The following DSCAML1 variants were observed in gnomAD, a reference collection of about 807,000 sequenced individuals.
DSCAML1 encodes the protein DS cell adhesion molecule like 1.
In DSCAML1, 38 loss-of-function variants were observed where a neutral mutation model predicts 200.5. The observed-to-expected ratio is 0.19, with a 90% CI of 0.15 to 0.25. The LOEUF (loss-of-function observed/expected upper bound fraction) is 0.25, where lower values mean the gene tolerates loss of function less well. Ranked by LOEUF, DSCAML1 falls within the 10% of genes least tolerant of loss-of-function variation. The probability of loss-of-function intolerance (pLI) is 1.00; values close to 1 mark genes in which losing one functional copy is unlikely to be tolerated. For synonymous variants in DSCAML1, 1,215 were observed against 1,165.0 expected, an observed-to-expected ratio of 1.04 and a Z score of -0.87; for missense variants, 2,223 against 2,858.8, an observed-to-expected ratio of 0.78 and a Z score of 5.07.
chr11:117,607,538 C>G (rs955510953), intron 3 of DSCAML1, among the ~76,000 whole-genome samples: 1 of 152,224 alleles, frequency 6.6e-6, no homozygotes, highest in African/African-American at 2.4e-5. Context: ...GGTGAAGGGA[C>G]TAGCTACAGA....
chr11:117,584,126 A>T (rs1394903817), intron 3 of DSCAML1, among the ~76,000 whole-genome samples: 4 of 151,744 alleles, frequency 2.6e-5, no homozygotes, highest in Non-Finnish European at 5.9e-5. Context: ...ATAGAAACAC[A>T]TTTAAATTCT....
At chr11:117,530,164 C>G (rs1044919361) in intron 4 of DSCAML1, among the ~76,000 whole-genome samples, 4 of 152,070 alleles carry the variant, frequency 2.6e-5, no homozygotes, top group Non-Finnish European at 4.4e-5. Context: ...CCCCCTCGCC[C>G]CTTCTCCCGG....
chr11:117,439,302 C>T lies in DSCAML1; in HGVS notation c.4108G>A (p.Gly1370Ser), dbSNP rs753116463. 3 of 1,614,144 alleles carry T rather than the reference C, an allele frequency of 1.9e-6. No individual in the cohort carries two copies. The highest frequency in any genetic ancestry group is 2.5e-6 in the Non-Finnish European group (3 of 1,180,012). The change falls in exon 23 of 33, where the codon GGC becomes AGC. Residue 1370 changes from glycine (G) to serine (S), a missense_variant. Around this residue, in one of 7 missense-constraint regions of DSCAML1, gnomAD observed 614 missense variants for 739.1 expected, o/e 0.83. Coordinates refer to ENST00000651296, the MANE Select transcript of DSCAML1 (RefSeq NM_020693.4). ...AGGTTGACGATGATGGTGTCAAAGC[C>T]ACCAGTGTTGGTGGCCGTGCACGTG... is the stretch of plus-strand genomic sequence containing the variant. Reference protein sequence around the residue: ...YYTCTATNTGGFDTIIVNLLV... With the variant: ...YYTCTATNTGSFDTIIVNLLV...
At chr11:117,616,888 T>C (rs1014610100) in intron 3 of DSCAML1, among the ~76,000 whole-genome samples, 3 of 152,200 alleles carry the variant, frequency 2.0e-5, no homozygotes, top group African/African-American at 7.2e-5. Flanking sequence ...ATACTGTCAA[T>C]GACTTATGTT....
chr11:117,737,557 C>T (rs572472471), intron 3 of DSCAML1, among the ~76,000 whole-genome samples: 2 of 152,304 alleles, frequency 1.3e-5, no homozygotes, highest in South Asian at 4.1e-4. Flanking sequence ...CAACATGCTG[C>T]CCCAGGTGGC....
At chr11:117,794,907 C>G (rs965701376) in intron 1 of DSCAML1, among the ~76,000 whole-genome samples, 1 of 152,178 alleles carries the variant, frequency 6.6e-6, no homozygotes, top group African/African-American at 2.4e-5. Flanking sequence ...GCAGGGGCAC[C>G]GGGCTCTGCA....
At chr11:117,439,748 C>T (rs2048005201) in intron 22 of DSCAML1, 71 bp downstream of exon 22, 2 of 1,452,020 alleles carry the variant, frequency 1.4e-6, no homozygotes, top group Non-Finnish European at 1.9e-6. Flanking sequence ...GCCCCAGACT[C>T]TTCTCCACAC....
intron 3 of DSCAML1, among the ~76,000 whole-genome samples, chr11:117,577,706 A>AGCTCC (rs1242940828): frequency 6.6e-6 from 1 of 151,382 alleles, no homozygotes; most frequent in Non-Finnish European, 1.5e-5. Context: ...AGCTGGGATT[A>AGCTCC]CAGGCGTGAG....
In DSCAML1 at chr11:117,471,701, T is replaced by C. The variant is rs369519897; in HGVS notation, c.2953+168A>G. Among the ~76,000 whole-genome samples the C allele has an allele frequency of 3.8e-3, 463 of 120,370 alleles. 3 individuals are homozygous for C. The highest frequency in any genetic ancestry group is 0.013 in the African/African-American group (376 of 29,404). The allele number at this position is 120,370 out of a possible 152,430, so 79.0% of individuals were successfully genotyped here. A position where few individuals can be genotyped will look rare whatever the true frequency, so the allele number is the denominator to read the frequency against. Reference sequence around the variant, plus strand: ...GAACCCCGCTTGGAAAAGGGTCAAATAGGAGCCTGCAGTGATCCAGAGGTG... The same window carrying C: ...GAACCCCGCTTGGAAAAGGGTCAAACAGGAGCCTGCAGTGATCCAGAGGTG... On this transcript the variant is annotated intron_variant, in intron 15 of 32. Coordinates refer to ENST00000651296, the MANE Select transcript of DSCAML1 (RefSeq NM_020693.4).
chr11:117,547,715 T>G (rs917842870), intron 3 of DSCAML1, among the ~76,000 whole-genome samples: 8 of 152,210 alleles, frequency 5.3e-5, no homozygotes, highest in Non-Finnish European at 8.8e-5. Flanking sequence ...ACTTGTGGTC[T>G]TATCTAATTC....
At chr11:117,514,406 A>G (rs151293543) in intron 8 of DSCAML1, among the ~76,000 whole-genome samples, 97 of 151,364 alleles carry the variant, frequency 6.4e-4, no homozygotes, top group African/African-American at 2.3e-3. Flanking sequence ...CAGAAGCTCT[A>G]TGTCTTTATT....
chr11:117,533,474 G>A lies in DSCAML1; in HGVS notation c.512-952C>T, dbSNP rs551412013. On this transcript the variant is annotated intron_variant, in intron 3 of 32. Coordinates refer to ENST00000651296, the MANE Select transcript of DSCAML1 (RefSeq NM_020693.4). ...TATTCACTCAACAAATGATTATTGAGGCAAAGCTATACCAGGATGGGGACA... is the reference window on the plus strand; with the variant it reads ...TATTCACTCAACAAATGATTATTGAAGCAAAGCTATACCAGGATGGGGACA... 3.3e-5 allele frequency among the ~76,000 whole-genome samples: 5 copies of A among 152,280 alleles called. No individual in the cohort carries two copies. The East Asian group carries it at 9.6e-4, about 29-fold the overall frequency.
intron 8 of DSCAML1, among the ~76,000 whole-genome samples, chr11:117,515,605 C>T (rs939670885): frequency 5.0e-5 from 4 of 79,786 alleles, no homozygotes; most frequent in South Asian, 4.3e-4. Flanking sequence ...CCAGGAGGGA[C>T]GAAGCTTTTT....
chr11:117,796,295 G>A (rs371310879), intron 1 of DSCAML1, among the ~76,000 whole-genome samples: 5 of 152,238 alleles, frequency 3.3e-5, no homozygotes, highest in East Asian at 3.8e-4. Context: ...CTTGTCCCCA[G>A]GTCCAACTGG....
At chr11:117,521,529 A>G (rs2049887387) in intron 5 of DSCAML1, 124 bp from the exon 6 acceptor site, 1 of 1,002,128 alleles carries the variant, frequency 1.0e-6, no homozygotes, top group African/African-American at 1.6e-5. Flanking sequence ...TTCTGCCTCC[A>G]GACCCCTTGT....
intron 3 of DSCAML1, among the ~76,000 whole-genome samples, chr11:117,710,430 T>C (rs1369512710): frequency 1.3e-5 from 2 of 152,302 alleles, no homozygotes; most frequent in Non-Finnish European, 2.9e-5. Context: ...ATCCTGGCTA[T>C]GGACAGTGGG....
At chr11:117,512,342 C>T (rs527583941) in intron 8 of DSCAML1, among the ~76,000 whole-genome samples, 31 of 152,312 alleles carry the variant, frequency 2.0e-4, no homozygotes, top group Non-Finnish European at 4.1e-4. Flanking sequence ...CTCCACCCCC[C>T]TCCTTGGGTA....
chr11:117,540,285 T>C (rs2050243888), intron 3 of DSCAML1, among the ~76,000 whole-genome samples: 1 of 152,206 alleles, frequency 6.6e-6, no homozygotes, highest in African/African-American at 2.4e-5. Context: ...CATTAGATTC[T>C]CACAGGAGTG....
intron 3 of DSCAML1, among the ~76,000 whole-genome samples, chr11:117,633,867 G>A (rs1332589813): frequency 6.6e-6 from 1 of 152,152 alleles, no homozygotes; most frequent in Non-Finnish European, 1.5e-5. Flanking sequence ...AGTGGGGTCT[G>A]CGAGGGGAGG....
Sources: gnomAD v4.1 joint callset for allele counts (sites outside exome capture counted in the v4.1 genomes callset) on GRCh38, gnomAD v4.1.1 for gene constraint, gnomAD v4.1.1 regional missense constraint, MANE v1.5 for transcripts, NCBI Gene and HGNC (gene_info 2026-07-23, HGNC 2026-07-21) for gene names.